Variants in ETV3L observed in about 807,000 individuals in gnomAD.
ETV3L encodes the protein ETS translocation variant 3-like protein.
A neutral mutation model predicts 27.6 loss-of-function variants in ETV3L; 30 were observed. The ratio of observed to expected loss-of-function variants is 1.09; its 90% CI spans 0.81 to 1.48. ETV3L has a LOEUF of 1.48. Ranked by LOEUF, ETV3L falls within the 40% of genes most tolerant of loss-of-function variation. ETV3L has a pLI of 0.00. For synonymous variants in ETV3L, 186 were observed against 188.9 expected, an observed-to-expected ratio of 0.98 and a Z score of 0.12; for missense variants, 443 against 455.6, an observed-to-expected ratio of 0.97 and a Z score of 0.25.
In ETV3L at chr1:157,099,762, C is replaced by G; in HGVS notation, c.-239G>C. 1 of 589,552 alleles carries G rather than the reference C, an allele frequency of 1.7e-6. No individual in the cohort carries two copies. 36.5% of individuals were successfully genotyped at this position (589,552 alleles called of 1,614,324 possible). On this transcript the variant is annotated 5_prime_UTR_variant, in exon 1 of 5. Coordinates refer to ENST00000454449, the MANE Select transcript of ETV3L (RefSeq NM_001004341.2). ...CAAGCTTCCCCATACCCAGACAGGGCCCAGCCCCCTCTGGGGACCTCCCCG... is the reference window on the plus strand; with the variant it reads ...CAAGCTTCCCCATACCCAGACAGGGGCCAGCCCCCTCTGGGGACCTCCCCG...
In ETV3L at chr1:157,093,007, T is replaced by C. The variant is rs563400123; in HGVS notation, c.728A>G (p.Asn243Ser). 1.1e-5 allele frequency: 17 copies of C among 1,610,084 alleles called. No homozygotes were observed. The South Asian group carries it at 1.7e-4, about 16-fold the overall frequency. ...TPPLPPPLPSNWTCLSGPFLP... is the reference protein window; with the variant it reads ...TPPLPPPLPSSWTCLSGPFLP... Reference sequence around the variant, plus strand: ...GAAGGGCCCCGAGAGACAGGTCCAGTTGGAGGGCAGAGGGGGCGGGAGGGG... The same window carrying C: ...GAAGGGCCCCGAGAGACAGGTCCAGCTGGAGGGCAGAGGGGGCGGGAGGGG... Residue 243 changes from asparagine to serine, a missense_variant, in exon 5 of 5, where the codon AAC becomes AGC. By Grantham distance (46) the Asn-to-Ser change is conservative. Transcript: ENST00000454449.
At chr1:157,098,031 TGGCATGTATCCTC>T (rs1674267623) in intron 3 of ETV3L, 43 bp from the exon 4 acceptor site, 1 of 1,557,038 alleles carries the variant, frequency 6.4e-7, no homozygotes, top group Non-Finnish European at 8.7e-7. Context: ...GGGCTCTCCT[TGGCATGTATCCTC>T]CAGTACAATC....
chr1:157,095,806 GC>G (rs889719332), intron 4 of ETV3L, among the ~76,000 whole-genome samples: 3 of 152,134 alleles, frequency 2.0e-5, no homozygotes, highest in African/African-American at 7.2e-5. Context: ...CAGAGCTTGG[GC>G]CCCCAGCAGC....
At chr1:157,096,015 C>G (rs1674210950) in intron 4 of ETV3L, among the ~76,000 whole-genome samples, 1 of 152,216 alleles carries the variant, frequency 6.6e-6, no homozygotes, top group Admixed American at 6.5e-5. Flanking sequence ...CACCTCTTCT[C>G]CCACTCATTG....
In ETV3L at chr1:157,098,806, T is replaced by G. The variant is rs1404396029; in HGVS notation, c.386A>C (p.Tyr129Ser). 5 of 1,614,126 alleles carry G rather than the reference T, an allele frequency of 3.1e-6. No homozygotes were observed. The South Asian group carries it at 3.3e-5, about 11-fold the overall frequency. Residue 129 changes from tyrosine to serine, a missense_variant, in exon 3 of 5, where the codon TAT (tyrosine) becomes TCT (serine). Tyr to Ser is a moderately radical substitution (Grantham distance 144, BLOSUM62 -2). Transcript: ENST00000454449. ...CGGCGCCCGCACTTCCCACAAAGGA[T>G]AGTTGACTACGATGAGCTTGCTGAA... ...FNFSKLIVVN[Y>S]PLWEVRAPPS... is the part of the protein sequence containing the mutation.
chr1:157,099,152 G>T lies in ETV3L; in HGVS notation c.285C>A (p.Ser95Arg), dbSNP rs1674289782. The T allele has an allele frequency of 6.2e-7, 1 of 1,613,672 alleles. No homozygotes were observed. Among genetic ancestry groups the T allele is most frequent in the Non-Finnish European group, 8.5e-7 (1 of 1,179,858 alleles). Reference protein sequence around the residue: ...CKPQMNYDKLSRALRYYYNKR... With the variant: ...CKPQMNYDKLRRALRYYYNKR... ...CCGCCTCCTCTCACCTGAGGGCCCG[G>T]CTCAGCTTGTCATAATTCATCTGTG... Residue 95 changes from serine to arginine, a missense_variant, in exon 2 of 5, where the codon AGC becomes AGA. By Grantham distance (110) the Ser-to-Arg change is moderately radical. Transcript: ENST00000454449.
chr1:157,098,713 T>C lies in ETV3L; in HGVS notation c.479A>G (p.Gln160Arg). 1 of 1,600,180 alleles carries C rather than the reference T, an allele frequency of 6.2e-7. No homozygotes were observed. The highest frequency in any genetic ancestry group is 1.1e-5 in the South Asian group (1 of 88,668). The change falls in exon 3 of 5, where the codon CAG (glutamine) becomes CGG (arginine). Residue 160 changes from glutamine to arginine, a missense_variant. Coordinates refer to ENST00000454449, the MANE Select transcript of ETV3L (RefSeq NM_001004341.2). The stretch of plus-strand genomic sequence containing the variant: ...GGCCACCTCCGCTCTTACCTCACTC[T>C]GCACACCCACGGGCACCAGCGCTGG... The part of the protein sequence containing the change: ...CRPALVPVGV[Q>R]SELLHSMLFA...
intron 4 of ETV3L, among the ~76,000 whole-genome samples, chr1:157,095,541 T>C (rs1674202150): frequency 6.8e-6 from 1 of 147,286 alleles, no homozygotes; most frequent in South Asian, 2.1e-4. Context: ...TTTTCTTTCT[T>C]TCTTTCTTTC....
rs535850379 is a variant in ETV3L, at chr1:157,098,753, G to T, written c.439C>A (p.Pro147Thr). Residue 147 changes from proline to threonine, a missense_variant, in exon 3 of 5, where the codon CCT (proline) becomes ACT (threonine). Pro to Thr is a conservative substitution (Grantham distance 38). Coordinates refer to ENST00000454449, the MANE Select transcript of ETV3L (RefSeq NM_001004341.2). ...PPSPHLLLGA[P>T]ALCRPALVPV... is the part of the protein sequence containing the mutation. The stretch of plus-strand genomic sequence containing the variant: ...ACCAGCGCTGGCCGACACAGGGCAG[G>T]GGCCCCCAGCAGCAAGTGGGGGGAT... 6.2e-7 allele frequency: 1 copy of T among 1,613,324 alleles called. No homozygotes were observed. The highest frequency in any genetic ancestry group is 1.7e-5 in the Admixed American group (1 of 59,890).
rs1462552675 is a variant in ETV3L, at chr1:157,094,769, C to T, written c.608-1642G>A. On this transcript the variant is annotated intron_variant, in intron 4 of 4. Coordinates refer to ENST00000454449, the MANE Select transcript of ETV3L (RefSeq NM_001004341.2). The stretch of plus-strand genomic sequence containing the variant: ...CTCTACTAAAAATACAAAAATTAGC[C>T]GGGCGTGGTGGCACGCACCTGTAAT... Among the ~76,000 whole-genome samples the T allele has an allele frequency of 2.0e-5, 3 of 152,052 alleles. 1 individual carries two copies.
rs1338559528 is a variant in ETV3L at position 157,099,281 on chromosome 1, T to A, written c.156A>T (p.Glu52Asp). ...WHFILELLQK[E>D]EFRHVIAWQQ... ...GCCAGGCGATGACATGGCGGAACTCTTCCTTCTGCAGCAGCTCCAGGATGA... is the reference window on the plus strand; with the variant it reads ...GCCAGGCGATGACATGGCGGAACTCATCCTTCTGCAGCAGCTCCAGGATGA... The change falls in exon 2 of 5, where the codon GAA (glutamate) becomes GAT (aspartate). Residue 52 changes from glutamate to aspartate, a missense_variant. Transcript: ENST00000454449. 6.2e-7 allele frequency: 1 copy of A among 1,614,126 alleles called. No individual in the cohort carries two copies. The highest frequency in any genetic ancestry group is 8.5e-7 in the Non-Finnish European group (1 of 1,180,026).
At position 157,097,858 on chromosome 1, in the gene ETV3L, G is replaced by C; in HGVS notation, c.607+10C>G. 6.2e-7 allele frequency: 1 copy of C among 1,611,084 alleles called. No individual in the cohort carries two copies. Among genetic ancestry groups the C allele is most frequent in the Non-Finnish European group, 8.5e-7 (1 of 1,179,172 alleles). On this transcript the variant is annotated intron_variant, in intron 4 of 4. Coordinates refer to ENST00000454449, the MANE Select transcript of ETV3L (RefSeq NM_001004341.2). Reference sequence around the variant, plus strand: ...GATCCCCCTGGGCCCTCCCAGCCTTGAGCACTCACGGTAGACGCTGCTGCT... The same window carrying C: ...GATCCCCCTGGGCCCTCCCAGCCTTCAGCACTCACGGTAGACGCTGCTGCT...
At chr1:157,093,981 A>G (rs1674172049) in intron 4 of ETV3L, among the ~76,000 whole-genome samples, 1 of 152,208 alleles carries the variant, frequency 6.6e-6, no homozygotes, top group East Asian at 1.9e-4. Context: ...CTGTGAGCCC[A>G]ACTCTTTGGG....
intron 3 of ETV3L, 22 bp from the exon 4 acceptor site, chr1:157,098,010 C>CGAGGTGT: frequency 6.3e-7 from 1 of 1,582,464 alleles, no homozygotes; most frequent in Non-Finnish European, 8.6e-7. Flanking sequence ...GAAGTAGGTG[C>CGAGGTGT]GAGGTGTGAT....
In ETV3L at chr1:157,099,572, A is replaced by G. The variant is rs1015536556; in HGVS notation, c.-49T>C. ...GTGTCTGGGCCTTGGGGAAATGGTCACCACTTAAGAGGAAGGGAAGGAAGG... is the reference window on the plus strand; with the variant it reads ...GTGTCTGGGCCTTGGGGAAATGGTCGCCACTTAAGAGGAAGGGAAGGAAGG... On this transcript the variant is annotated 5_prime_UTR_variant, in exon 1 of 5. The change abolishes the stop of an existing upstream ORF in the 5' untranslated region. Transcript: ENST00000454449. 27 of 1,535,714 alleles carry G rather than the reference A, an allele frequency of 1.8e-5. No homozygotes were observed. The highest frequency in any genetic ancestry group is 2.4e-5 in the Non-Finnish European group (27 of 1,125,226).
intron 4 of ETV3L, among the ~76,000 whole-genome samples, chr1:157,095,927 G>A (rs1240080335): frequency 6.6e-6 from 1 of 152,202 alleles, no homozygotes; most frequent in Non-Finnish European, 1.5e-5. Context: ...GTGTCTCTGT[G>A]ATCTTTTTCA....
At chr1:157,095,668 TG>T (rs1388612984) in intron 4 of ETV3L, among the ~76,000 whole-genome samples, 1 of 113,968 alleles carries the variant, frequency 8.8e-6, no homozygotes, top group Non-Finnish European at 1.8e-5. Context: ...ACGGGGTGGG[TG>T]GGGGTGGAGA....
Position 157,098,896 on chromosome 1 carries a change from C to T in ETV3L, c.297-1G>A, listed in dbSNP as rs763272800. ...CAGGATCCTCTTATTGTAGTAATATCTGGAGAATTCGAAGTTGAGAATAGA... is the reference window on the plus strand; with the variant it reads ...CAGGATCCTCTTATTGTAGTAATATTTGGAGAATTCGAAGTTGAGAATAGA... On this transcript the variant is annotated splice_acceptor_variant, in intron 2 of 4. Coordinates refer to ENST00000454449, the MANE Select transcript of ETV3L (RefSeq NM_001004341.2). LOFTEE classifies it high-confidence loss of function. The T allele has an allele frequency of 8.1e-6, 13 of 1,607,460 alleles. No homozygotes were observed. Among genetic ancestry groups the T allele is most frequent in the Non-Finnish European group, 8.5e-7 (1 of 1,176,814 alleles).
Position 157,092,692 on chromosome 1 carries a change from T to C in ETV3L, c.1043A>G (p.Asn348Ser), listed in dbSNP as rs773996774. 49 of 1,613,668 alleles carry C rather than the reference T, an allele frequency of 3.0e-5. No individual in the cohort carries two copies. Among genetic ancestry groups the C allele is most frequent in the Non-Finnish European group, 4.0e-5 (47 of 1,179,746 alleles). The change falls in exon 5 of 5, where the codon AAT becomes AGT. Residue 348 changes from asparagine (N) to serine (S), a missense_variant. Asn to Ser is a conservative substitution (Grantham distance 46). Coordinates refer to ENST00000454449, the MANE Select transcript of ETV3L (RefSeq NM_001004341.2). Reference sequence around the variant, plus strand: ...CCACACTGCTTTGAGGTTCTCCAGATTGGGGGAAGTAAGGCTTTCCTCCCC... The same window carrying C: ...CCACACTGCTTTGAGGTTCTCCAGACTGGGGGAAGTAAGGCTTTCCTCCCC... ...KTGEESLTSP[N>S]LENLKAVWPL...
Sources: allele counts gnomAD v4.1 joint callset (sites outside exome capture counted in the v4.1 genomes callset), GRCh38; gene constraint gnomAD v4.1.1; transcripts MANE v1.5; gene names NCBI Gene and HGNC (gene_info 2026-07-23, HGNC 2026-07-21).